TLCD1: variants seen among roughly 807,000 people sequenced by gnomAD.
TLCD1 encodes the protein TLC domain containing 1.
In TLCD1, 21 loss-of-function variants were observed where a neutral mutation model predicts 21.2. The ratio of observed to expected loss-of-function variants is 0.99; its 90% CI spans 0.70 to 1.42. TLCD1 has a LOEUF of 1.42. Among genes scored for constraint, TLCD1 ranks in the 40% most tolerant of loss-of-function variants. The pLI, the probability that TLCD1 is intolerant of heterozygous loss-of-function variation, is 0.00. For synonymous variants in TLCD1, 168 were observed against 134.8 expected (o/e 1.25, Z -1.71); for missense variants, 344 against 330.3 (o/e 1.04, Z -0.32).
upstream of TLCD1, chr17:28,726,805 C>A (rs924613229): frequency 8.4e-6 from 13 of 1,548,440 alleles, no homozygotes; most frequent in Non-Finnish European, 6.1e-6. Context: ...GCTGAGTAAC[C>A]CATCGCCACC....
chr17:28,725,623 C>A, intron 1 of TLCD1, 60 bp from the exon 2 acceptor site: 1 of 1,560,738 alleles, frequency 6.4e-7, no homozygotes, highest in South Asian at 1.1e-5. Context: ...ATCAACTTCT[C>A]GGTTACCCTT....
Position 28,724,388 on chromosome 17 carries a change from CG to C in TLCD1, c.*121del. ...TCATTAGTGTTTTCAATAGTGTGGG[CG>C]CAGGCTCAGAAGGTGGAGAGGCTGG... is the stretch of plus-strand genomic sequence containing the variant. On this transcript the variant is annotated 3_prime_UTR_variant, in exon 4 of 4. Coordinates refer to ENST00000292090, the MANE Select transcript of TLCD1 (RefSeq NM_138463.4). 1 of 1,239,466 alleles carries C rather than the reference CG, an allele frequency of 8.1e-7. No individual in the cohort carries two copies. The highest frequency in any genetic ancestry group is 1.1e-6 in the Non-Finnish European group (1 of 889,566). The allele number at this position is 1,239,466 out of a possible 1,614,324, so 76.8% of individuals were successfully genotyped here.
In TLCD1 at chr17:28,724,558, A is replaced by G. The variant is rs189540516; in HGVS notation, c.696T>C (p.Pro232=). 13 of 1,614,162 alleles carry G rather than the reference A, an allele frequency of 8.1e-6. No homozygotes were observed. Among genetic ancestry groups the G allele is most frequent in the South Asian group, 7.7e-5 (7 of 91,080 alleles). The change falls in exon 4 of 4, where the codon CCT becomes CCC. Residue 232 remains proline (P), a synonymous_variant. Transcript: ENST00000292090. ...TGTGTTGCTTCTTGGGGACATGCTC[A>G]GGGCAGAAGTCAGAGCGGAGGAGGC... The part of the protein sequence containing the change: ...FSRLLRSDFC[P]EHVPKKQHKD...
chr17:28,725,024 G>C, intron 3 of TLCD1, 131 bp from the exon 4 acceptor site: 1 of 1,047,480 alleles, frequency 9.5e-7, no homozygotes, highest in South Asian at 1.7e-5. Context: ...TTTATAGTGG[G>C]TAAGATGCTT....
rs764548359 is a variant in TLCD1, at chr17:28,724,652, C to G, written c.602G>C (p.Arg201Thr). Residue 201 changes from arginine to threonine, a missense_variant, in exon 4 of 4, where the codon AGG (arginine) becomes ACG (threonine). By Grantham distance (71) the Arg-to-Thr change is moderately conservative. Coordinates refer to ENST00000292090, the MANE Select transcript of TLCD1 (RefSeq NM_138463.4). ...THFFLRYVNQ[R>T]TLGTFLLGIL... Reference sequence around the variant, plus strand: ...ACCCAGCAGGAAGGTGCCCAGGGTCCTCTGGTTCACATAACGCAAGAAGAA... The same window carrying G: ...ACCCAGCAGGAAGGTGCCCAGGGTCGTCTGGTTCACATAACGCAAGAAGAA... 1 of 1,614,016 alleles carries G rather than the reference C, an allele frequency of 6.2e-7. No individual in the cohort carries two copies. Among genetic ancestry groups the G allele is most frequent in the African/African-American group, 1.3e-5 (1 of 74,924 alleles).
Position 28,725,194 on chromosome 17 carries a change from G to T in TLCD1, c.360+110C>A, listed in dbSNP as rs546999039. ...TCCTAGCATAAGAAGTAGCACACAGGTCGGGGGTGGGTGGTAAGAAAACAC... is the reference window on the plus strand; with the variant it reads ...TCCTAGCATAAGAAGTAGCACACAGTTCGGGGGTGGGTGGTAAGAAAACAC... On this transcript the variant is annotated intron_variant, in intron 3 of 3. Coordinates refer to ENST00000292090, the MANE Select transcript of TLCD1 (RefSeq NM_138463.4). 1.5e-5 allele frequency: 19 copies of T among 1,256,296 alleles called. No individual in the cohort carries two copies. The South Asian group carries it at 2.1e-4, about 14-fold the overall frequency. 77.8% of individuals were successfully genotyped at this position (1,256,296 alleles called of 1,614,324 possible). A position where few individuals can be genotyped will look rare whatever the true frequency, so the allele number is the denominator to read the frequency against.
chr17:28,726,308 CGCCT>C (rs2034228999), upstream of TLCD1: 6 of 1,022,702 alleles, frequency 5.9e-6, no homozygotes, highest in East Asian at 4.5e-5. Flanking sequence ...CCGCCCCGCC[CGCCT>C]GCCCCCGCCC....
In TLCD1 at chr17:28,724,749, G is replaced by A. The variant is rs753517895; in HGVS notation, c.505C>T (p.Arg169Trp). 31 of 1,614,026 alleles carry A rather than the reference G, an allele frequency of 1.9e-5. No individual in the cohort carries two copies. Among genetic ancestry groups the A allele is most frequent in the South Asian group, 4.4e-5 (4 of 91,078 alleles). ...ISNAQDHLLY[R>W]VNKYVNLVMY... The stretch of plus-strand genomic sequence containing the variant: ...ACCAGGTTCACATACTTGTTAACCC[G>A]GTAGAGGAGATGATCCTGGGCATTA... Residue 169 changes from arginine (R) to tryptophan (W), a missense_variant, in exon 4 of 4, where the codon CGG becomes TGG. By Grantham distance (101) the Arg-to-Trp change is moderately radical. Coordinates refer to ENST00000292090, the MANE Select transcript of TLCD1 (RefSeq NM_138463.4).
At chr17:28,726,501 C>G (rs947333804), upstream of TLCD1, among the ~76,000 whole-genome samples, 1 of 152,046 alleles carries the variant, frequency 6.6e-6, no homozygotes, top group Admixed American at 6.5e-5. Context: ...CCGCTGCCCT[C>G]GCTCGCCTGG....
At chr17:28,725,612 C>T (rs769788117) in intron 1 of TLCD1, 49 bp from the exon 2 acceptor site, 16 of 1,584,902 alleles carry the variant, frequency 1.0e-5, no homozygotes, top group Non-Finnish European at 1.3e-5. Flanking sequence ...CCTCAAGGAC[C>T]ATCAACTTCT....
intron 3 of TLCD1, 44 bp from the exon 4 acceptor site, chr17:28,724,937 C>A: frequency 6.4e-7 from 1 of 1,572,694 alleles, no homozygotes; most frequent in Admixed American, 1.9e-5. Flanking sequence ...CAGATGCAGA[C>A]GCTTTCCTGG....
rs376579020 is a variant in TLCD1 at position 28,724,807 on chromosome 17, G to A, written c.447C>T (p.Ile149=). The part of the protein sequence containing the change: ...VLTLLVEVSN[I]FLTIRMMMKI... Reference sequence around the variant, plus strand: ...TCATCATCATGCGAATGGTGAGGAAGATGTTGCTGACTTCCACCAGTAGTG... The same window carrying A: ...TCATCATCATGCGAATGGTGAGGAAAATGTTGCTGACTTCCACCAGTAGTG... The change falls in exon 4 of 4, where the codon ATC becomes ATT. Residue 149 remains isoleucine, a synonymous_variant. Transcript: ENST00000292090. The A allele has an allele frequency of 3.0e-4, 478 of 1,614,142 alleles. 2 individuals carry two copies. The South Asian group carries it at 3.8e-3, about 13-fold the overall frequency.
upstream of TLCD1, chr17:28,726,823 G>T: frequency 6.5e-7 from 1 of 1,547,426 alleles, no homozygotes; most frequent in South Asian, 1.2e-5. Flanking sequence ...ACCTCTTCCC[G>T]CCGGCTCTTA....
At chr17:28,727,879 C>G (rs1296564131), upstream of TLCD1, 1 of 152,230 alleles carries the variant, frequency 6.6e-6, no homozygotes, top group East Asian at 1.9e-4. Flanking sequence ...CTCGGCCTCC[C>G]CAAAGTGCTG....
chr17:28,727,096 AAGG>A (rs574186090), upstream of TLCD1, among the ~76,000 whole-genome samples: 145 of 152,258 alleles, frequency 9.5e-4, no homozygotes, highest in Middle Eastern at 3.4e-3. Context: ...CTCTGGGCGA[AAGG>A]AGGAGCAGCT....
chr17:28,726,005 T>G lies in TLCD1; in HGVS notation c.93A>C (p.Leu31=). 1 of 1,608,130 alleles carries G rather than the reference T, an allele frequency of 6.2e-7. No individual in the cohort carries two copies. Among genetic ancestry groups the G allele is most frequent in the East Asian group, 2.3e-5 (1 of 44,180 alleles). ...GGGGGTCGGCGCGCACGTGCACGGG[T>G]AGGGGCAGGCGACAGAGCGCGCGCC... ...ALRRALCRLP[L]PVHVRADPLR... Residue 31 remains leucine, a synonymous_variant, in exon 1 of 4, where the codon CTA becomes CTC. Coordinates refer to ENST00000292090, the MANE Select transcript of TLCD1 (RefSeq NM_138463.4).
chr17:28,727,092 G>A (rs1466005336), upstream of TLCD1, among the ~76,000 whole-genome samples: 1 of 152,186 alleles, frequency 6.6e-6, no homozygotes, highest in African/African-American at 2.4e-5. Flanking sequence ...TAAACTCTGG[G>A]CGAAAGGAGG....
In TLCD1 at chr17:28,725,321, G is replaced by C; in HGVS notation, c.343C>G (p.Leu115Val). 6.2e-7 allele frequency: 1 copy of C among 1,614,128 alleles called. No individual in the cohort carries two copies. The highest frequency in any genetic ancestry group is 8.5e-7 in the Non-Finnish European group (1 of 1,180,006). Residue 115 changes from leucine to valine, a missense_variant, in exon 3 of 4, where the codon CTT (leucine) becomes GTT (valine). By Grantham distance (32) the Leu-to-Val change is conservative. Transcript: ENST00000292090. ...TCTCTTACCATGACGTGATGGACAA[G>C]GTATTCCCAAGAGGCTCGCGTCTGT... ...SGQTRASWEY[L>V]VHHVMAMGAF...
Position 28,724,536 on chromosome 17 carries a change from G to A in TLCD1, c.718C>T (p.His240Tyr), listed in dbSNP as rs149839420. ...FCPEHVPKKQHKDKFLTE is the reference protein window; with the variant it reads ...FCPEHVPKKQYKDKFLTE ...CACTCAGTCAAGAACTTGTCTTTGTGTTGCTTCTTGGGGACATGCTCAGGG... is the reference window on the plus strand; with the variant it reads ...CACTCAGTCAAGAACTTGTCTTTGTATTGCTTCTTGGGGACATGCTCAGGG... Residue 240 changes from histidine to tyrosine, a missense_variant, in exon 4 of 4, where the codon CAC becomes TAC. Transcript: ENST00000292090. 9.9e-6 allele frequency: 16 copies of A among 1,613,970 alleles called. No individual in the cohort carries two copies. In the African/African-American group the frequency reaches 1.2e-4, roughly 12 times the overall value.
Sources: allele counts gnomAD v4.1 joint callset (sites outside exome capture counted in the v4.1 genomes callset), GRCh38; gene constraint gnomAD v4.1.1; transcripts MANE v1.5; gene names NCBI Gene and HGNC (gene_info 2026-07-23, HGNC 2026-07-21).